The following CADM2 variants were observed in gnomAD, a reference collection of about 807,000 sequenced individuals.
CADM2 encodes immunoglobulin superfamily member 4D.
A neutral mutation model predicts 49.8 loss-of-function variants in CADM2; 12 were observed. The observed-to-expected ratio is 0.24, with a 90% confidence interval of 0.15 to 0.39. The LOEUF (loss-of-function observed/expected upper bound fraction) is 0.39, where lower values mean the gene tolerates loss of function less well. CADM2 is among the 10% of genes least tolerant of loss of function. The pLI is 1.00. For missense variants in CADM2, 378 were observed against 492.3 expected, an observed-to-expected ratio of 0.77 and a Z score of 2.20; for synonymous variants, 214 against 175.4, an observed-to-expected ratio of 1.22 and a Z score of -1.74.
intron 7 of CADM2, among the ~76,000 whole-genome samples, chr3:85,951,760 T>A (rs1387490050): frequency 6.6e-6 from 1 of 151,042 alleles, no homozygotes; most frequent in Non-Finnish European, 1.5e-5. Context: ...AAGGACAGTA[T>A]TTAGTAAAAC....
rs553653460 is a variant in CADM2, at chr3:85,945,096, A to G, written c.791+9239A>G. Among the ~76,000 whole-genome samples, 76 of 152,262 alleles carry G rather than the reference A, an allele frequency of 5.0e-4. 1 individual carries two copies. Among genetic ancestry groups the G allele is most frequent in the Non-Finnish European group, 9.8e-4 (67 of 68,026 alleles). ...TGCAATAAAAAATGATAAAGGGGATATCACCACCGATCCCACAGAAATACA... is the reference window on the plus strand; with the variant it reads ...TGCAATAAAAAATGATAAAGGGGATGTCACCACCGATCCCACAGAAATACA... On this transcript the variant is annotated intron_variant, in intron 7 of 9. Coordinates refer to ENST00000383699, the MANE Select transcript of CADM2 (RefSeq NM_001167675.2).
chr3:85,287,445 A>G (rs908838523), intron 1 of CADM2, among the ~76,000 whole-genome samples: 2 of 152,112 alleles, frequency 1.3e-5, no homozygotes, highest in Non-Finnish European at 2.9e-5. Context: ...TTGCATTTCA[A>G]TAAATAAATA....
intron 1 of CADM2, among the ~76,000 whole-genome samples, chr3:85,636,282 T>A (rs901430706): frequency 1.3e-5 from 2 of 152,148 alleles, no homozygotes; most frequent in Non-Finnish European, 2.9e-5. Flanking sequence ...ACCCTGTGTA[T>A]GCCTAGGCTA....
At chr3:85,991,852 TA>T (rs1728808870) in intron 8 of CADM2, among the ~76,000 whole-genome samples, 1 of 152,132 alleles carries the variant, frequency 6.6e-6, no homozygotes. Context: ...CATTGATTTA[TA>T]AAACTCACTA....
At chr3:85,842,800 A>G (rs2074698083) in intron 3 of CADM2, among the ~76,000 whole-genome samples, 1 of 152,124 alleles carries the variant, frequency 6.6e-6, no homozygotes, top group Non-Finnish European at 1.5e-5. Context: ...TTCTTATAGG[A>G]GACATCTATG....
At chr3:85,065,663 C>G (rs928109073) in intron 1 of CADM2, among the ~76,000 whole-genome samples, 3 of 152,164 alleles carry the variant, frequency 2.0e-5, no homozygotes, top group Non-Finnish European at 4.4e-5. Context: ...TGAATAAAGA[C>G]TGATCTTAAA....
chr3:85,096,857 CT>C (rs1397609149), intron 1 of CADM2, among the ~76,000 whole-genome samples: 6 of 152,062 alleles, frequency 3.9e-5, no homozygotes, highest in African/African-American at 1.2e-4. Flanking sequence ...TTCTTAATTG[CT>C]TTTGTTTAAC....
intron 3 of CADM2, among the ~76,000 whole-genome samples, chr3:85,861,308 T>A (rs2108322784): frequency 6.6e-6 from 1 of 152,310 alleles, no homozygotes; most frequent in African/African-American, 2.4e-5. Context: ...TAATTTGTAA[T>A]TCCTGATATG....
At chr3:85,236,108 G>A (rs967688658) in intron 1 of CADM2, among the ~76,000 whole-genome samples, 2 of 151,984 alleles carry the variant, frequency 1.3e-5, no homozygotes, top group African/African-American at 2.4e-5. Flanking sequence ...GACACTGTTG[G>A]ACAGGCCAAA....
chr3:85,806,168 G>T (rs913368422), intron 3 of CADM2, among the ~76,000 whole-genome samples: 1 of 142,556 alleles, frequency 7.0e-6, no homozygotes, highest in Non-Finnish European at 1.5e-5. Flanking sequence ...GAAAAGAAGC[G>T]AGGGAGGGAG....
intron 1 of CADM2, among the ~76,000 whole-genome samples, chr3:85,526,157 T>G (rs2061154953): frequency 6.6e-6 from 1 of 152,168 alleles, no homozygotes; most frequent in Admixed American, 6.5e-5. Context: ...ATTGGAAATT[T>G]TATACCTCAT....
At chr3:85,965,585 A>G (rs935059720) in intron 8 of CADM2, among the ~76,000 whole-genome samples, 2 of 151,540 alleles carry the variant, frequency 1.3e-5, no homozygotes, top group African/African-American at 4.8e-5. Flanking sequence ...AGAAAACTCT[A>G]ATTTTTTTCT....
At chr3:85,992,461 A>G (rs932664232) in intron 8 of CADM2, 12 of 152,152 alleles carry the variant, frequency 7.9e-5, no homozygotes, top group Admixed American at 7.9e-4. Flanking sequence ...GTATAAAACT[A>G]TAGTGAAACA....
At chr3:85,684,205 A>G (rs1417235729) in intron 1 of CADM2, among the ~76,000 whole-genome samples, 1 of 152,202 alleles carries the variant, frequency 6.6e-6, no homozygotes, top group Non-Finnish European at 1.5e-5. Flanking sequence ...GACAAATACA[A>G]CTGTCTAATG....
chr3:85,843,436 T>C (rs1577454346), intron 3 of CADM2, among the ~76,000 whole-genome samples: 1 of 151,718 alleles, frequency 6.6e-6, no homozygotes, highest in East Asian at 1.9e-4. Flanking sequence ...TACAATAGGA[T>C]ATATGGTGAT....
intron 1 of CADM2, among the ~76,000 whole-genome samples, chr3:85,372,802 C>T (rs779205017): frequency 1.1e-4 from 16 of 152,194 alleles, no homozygotes; most frequent in East Asian, 7.7e-4. Flanking sequence ...ATGTCTTACA[C>T]GGTGGAAGGG....
At chr3:85,526,986 G>GT (rs2061173485) in intron 1 of CADM2, among the ~76,000 whole-genome samples, 1 of 152,050 alleles carries the variant, frequency 6.6e-6, no homozygotes, top group Non-Finnish European at 1.5e-5. Context: ...CTTCTTTGTC[G>GT]TAAAATAATT....
intron 8 of CADM2, among the ~76,000 whole-genome samples, chr3:86,006,222 T>C (rs1730772412): frequency 6.6e-6 from 1 of 152,226 alleles, no homozygotes; most frequent in Non-Finnish European, 1.5e-5. Flanking sequence ...CTAATTTTTA[T>C]AAGCAGTATT....
chr3:85,872,306 A>C (rs763892126), intron 3 of CADM2, among the ~76,000 whole-genome samples: 6 of 152,164 alleles, frequency 3.9e-5, no homozygotes, highest in Non-Finnish European at 7.4e-5. Context: ...AGTCACCTCC[A>C]CAGTATATCT....
Sources: allele counts gnomAD v4.1 joint callset (sites outside exome capture counted in the v4.1 genomes callset), GRCh38; gene constraint gnomAD v4.1.1; transcripts MANE v1.5; gene names NCBI Gene and HGNC (gene_info 2026-07-23, HGNC 2026-07-21).